Variants in IQGAP3 observed in about 807,000 individuals in gnomAD.
IQGAP3 encodes the protein IQ motif containing GTPase activating protein 3.
IQGAP3 carries 165 observed loss-of-function variants against 208.2 expected under a neutral mutation model. That is an observed-to-expected ratio of 0.79 (90% CI 0.70 to 0.90). The LOEUF is 0.90. IQGAP3 is among the 40% of genes least tolerant of loss of function. IQGAP3 has a pLI of 0.00. For synonymous variants in IQGAP3, 703 were observed against 803.6 expected (o/e 0.87, Z 2.12); for missense variants, 1,811 against 2,043.1 (o/e 0.89, Z 2.19).
chr1:156,567,378 G>A (rs1453859248), intron 2 of IQGAP3, among the ~76,000 whole-genome samples: 1 of 152,142 alleles, frequency 6.6e-6, no homozygotes, highest in Non-Finnish European at 1.5e-5. Context: ...GAGTCCGAAG[G>A]CCCCCTTTCC....
chr1:156,531,662 T>C (rs752795613), intron 32 of IQGAP3, among the ~76,000 whole-genome samples: 43 of 143,696 alleles, frequency 3.0e-4, no homozygotes, highest in Middle Eastern at 3.8e-3. Context: ...TGGAGTGCAA[T>C]GGCATGATCT....
intron 2 of IQGAP3, among the ~76,000 whole-genome samples, chr1:156,569,147 T>C (rs1198185836): frequency 6.6e-6 from 1 of 152,108 alleles, no homozygotes; most frequent in East Asian, 1.9e-4. Flanking sequence ...GCATTGTGGC[T>C]ATATAAGCGA....
At position 156,533,049 on chromosome 1, in the gene IQGAP3, G is replaced by A. The variant is rs374933643; in HGVS notation, c.4034C>T (p.Thr1345Met). 1.9e-5 allele frequency: 30 copies of A among 1,613,946 alleles called. No individual in the cohort carries two copies. Among genetic ancestry groups the A allele is most frequent in the South Asian group, 5.5e-5 (5 of 91,076 alleles). ...TDLSKLEVSL[T>M]LTNKFEGLEA... ...TAGTCCTTCAAACTTGTTGGTCAGCGTCAGGGACACTTCTAGCTTGCTCAG... is the reference window on the plus strand; with the variant it reads ...TAGTCCTTCAAACTTGTTGGTCAGCATCAGGGACACTTCTAGCTTGCTCAG... Residue 1345 changes from threonine (T) to methionine (M), a missense_variant, in exon 32 of 38, where the codon ACG (threonine) becomes ATG (methionine). By Grantham distance (81) the Thr-to-Met change is moderately conservative (BLOSUM62 -1). Coordinates refer to ENST00000361170, the MANE Select transcript of IQGAP3 (RefSeq NM_178229.5).
chr1:156,531,514 A>C (rs1301407306), intron 32 of IQGAP3, among the ~76,000 whole-genome samples: 3 of 144,684 alleles, frequency 2.1e-5, no homozygotes, highest in Non-Finnish European at 3.0e-5. Context: ...GACACCCACC[A>C]CCCTCTTGGT....
chr1:156,566,501 C>T lies in IQGAP3; in HGVS notation c.171G>A (p.Glu57=). 6.2e-7 allele frequency: 1 copy of T among 1,614,174 alleles called. No individual in the cohort carries two copies. Among genetic ancestry groups the T allele is most frequent in the Non-Finnish European group, 8.5e-7 (1 of 1,180,022 alleles). Residue 57 remains glutamate (E), a synonymous_variant, in exon 3 of 38, where the codon GAG becomes GAA. Coordinates refer to ENST00000361170, the MANE Select transcript of IQGAP3 (RefSeq NM_178229.5). Reference sequence around the variant, plus strand: ...CTCCATTCCGAAGGCTCTCCTCCAGCTCCACCGGGGAAGGAAGCTCCTCCT... The same window carrying T: ...CTCCATTCCGAAGGCTCTCCTCCAGTTCCACCGGGGAAGGAAGCTCCTCCT... ...CLKEELPSPV[E]LEESLRNGVL...
chr1:156,551,016 G>T (rs1675521952), intron 15 of IQGAP3, among the ~76,000 whole-genome samples: 1 of 152,306 alleles, frequency 6.6e-6, no homozygotes, highest in South Asian at 2.1e-4. Context: ...CTGACTATGT[G>T]CCAGGCAGTA....
chr1:156,551,996 T>C lies in IQGAP3; in HGVS notation c.1548A>G (p.Ala516=), dbSNP rs1675575131. 1.2e-6 allele frequency: 2 copies of C among 1,614,194 alleles called. No individual in the cohort carries two copies. Among genetic ancestry groups the C allele is most frequent in the South Asian group, 2.2e-5 (2 of 91,074 alleles). ...DLQATVSQVN[A]QTQEETDRVL... ...TACGGTCAGTCTCTTCCTGGGTCTG[T>C]GCATTGACCTGGCTCACGGTGGCCT... is the stretch of plus-strand genomic sequence containing the variant. Residue 516 remains alanine, a synonymous_variant, in exon 14 of 38, where the codon GCA becomes GCG. Transcript: ENST00000361170.
chr1:156,536,269 A>C (rs11811103), intron 27 of IQGAP3, among the ~76,000 whole-genome samples: 3,232 of 152,256 alleles, frequency 0.021, 106 homozygotes, highest in African/African-American at 0.074. Context: ...TAATAATAAT[A>C]AAAAATAAAG....
In IQGAP3 at chr1:156,551,750, AGGG is replaced by A; in HGVS notation, c.1686_1688del (p.Pro563del). The A allele has an allele frequency of 6.2e-7, 1 of 1,613,810 alleles. No individual in the cohort carries two copies. Among genetic ancestry groups the A allele is most frequent in the South Asian group, 1.1e-5 (1 of 90,994 alleles). On this transcript the variant is annotated inframe_deletion, in exon 15 of 38. Transcript: ENST00000361170. Reference sequence around the variant, plus strand: ...CTGCCACAAGGAGGAGATGGTACCGAGGGGCGACAGGGAGGCTGACATCATCTA... The same window carrying A: ...CTGCCACAAGGAGGAGATGGTACCGAGCGACAGGGAGGCTGACATCATCTA...
chr1:156,561,971 G>T lies in IQGAP3; in HGVS notation c.908C>A (p.Ala303Asp), dbSNP rs779654352. 7.4e-6 allele frequency: 12 copies of T among 1,612,970 alleles called. No homozygotes were observed. The highest frequency in any genetic ancestry group is 1.7e-4 in the Middle Eastern group (1 of 6,048). The change falls in exon 10 of 38, where the codon GCC (alanine) becomes GAC (aspartate). Residue 303 changes from alanine (A) to aspartate (D), a missense_variant. Transcript: ENST00000361170. ...GGCTTCAGGGCTCTGTCTTTCCAGG[G>T]CATCATCAACAACTTCTAGAGCCCC... Reference protein sequence around the residue: ...VHGALEVVDDALERQSPEALL... With the variant: ...VHGALEVVDDDLERQSPEALL...
At chr1:156,564,427 A>C (rs896702793) in intron 5 of IQGAP3, among the ~76,000 whole-genome samples, 188 bp downstream of exon 5, 11 of 152,154 alleles carry the variant, frequency 7.2e-5, no homozygotes, top group African/African-American at 2.7e-4. Flanking sequence ...CACACAGGCC[A>C]TACATAAATG....
Position 156,531,247 on chromosome 1 carries a change from G to T in IQGAP3, c.4104C>A (p.Ser1368Arg). The stretch of plus-strand genomic sequence containing the variant: ...TGATATCGGCCAACAGCTGCTTGGT[G>T]CTGCACAAGGAGGACAGTGACAGAG... ...DDSNTRSLLLSTKQLLADIIQ... is the reference protein window; with the variant it reads ...DDSNTRSLLLRTKQLLADIIQ... Residue 1368 changes from serine to arginine, a missense_variant and splice_region_variant, in exon 33 of 38, where the codon AGC becomes AGA. Physicochemically the swap from Ser to Arg is moderately radical, Grantham distance 110. Transcript: ENST00000361170. 1 of 1,612,828 alleles carries T rather than the reference G, an allele frequency of 6.2e-7. No individual in the cohort carries two copies. Among genetic ancestry groups the T allele is most frequent in the African/African-American group, 1.3e-5 (1 of 74,966 alleles).
At chr1:156,565,480 C>T (rs1676360193) in intron 4 of IQGAP3, among the ~76,000 whole-genome samples, 1 of 152,212 alleles carries the variant, frequency 6.6e-6, no homozygotes, top group Non-Finnish European at 1.5e-5. Context: ...ATTGTAGAAT[C>T]CTATCATGCC....
chr1:156,531,283 G>C, intron 32 of IQGAP3, 36 bp from the exon 33 acceptor site: 1 of 1,551,984 alleles, frequency 6.4e-7, no homozygotes, highest in East Asian at 2.2e-5. Context: ...GAGAGGTAAG[G>C]GGCAGGGGAA....
chr1:156,569,528 CTTTTTTTTTTTTTT>C, intron 1 of IQGAP3, 65 bp from the exon 2 acceptor site: 1 of 137,388 alleles, frequency 7.3e-6, no homozygotes, highest in South Asian at 1.0e-4. Context: ...ACTGAAGGGT[CTTTTTTTTTTTTTT>C]TTTTTTTTTT....
rs1298828095 is a variant in IQGAP3 at position 156,544,215 on chromosome 1, G to C, written c.2397C>G (p.Ala799=). Residue 799 remains alanine, a synonymous_variant, in exon 21 of 38, where the codon GCC becomes GCG. Transcript: ENST00000361170. Reference sequence around the variant, plus strand: ...TCCGAGCTGCCCACATCCGGGCCCAGGCCTGGATCTGGGAGAAGAAACACA... The same window carrying C: ...TCCGAGCTGCCCACATCCGGGCCCACGCCTGGATCTGGGAGAAGAAACACA... ...ANLDAIIKIQ[A]WARMWAARRQ... 1 of 1,614,164 alleles carries C rather than the reference G, an allele frequency of 6.2e-7. No homozygotes were observed. Among genetic ancestry groups the C allele is most frequent in the South Asian group, 1.1e-5 (1 of 91,080 alleles).
Position 156,534,083 on chromosome 1 carries a change from C to G in IQGAP3, c.3799G>C (p.Glu1267Gln). 2 of 1,614,062 alleles carry G rather than the reference C, an allele frequency of 1.2e-6. No homozygotes were observed. The highest frequency in any genetic ancestry group is 1.7e-6 in the Non-Finnish European group (2 of 1,180,026). ...PEPEERFAVD[E>Q]YSDMVAVAKP... Reference sequence around the variant, plus strand: ...GCCACAGCCACCATGTCTGAGTACTCGTCCACTGCAAAACGCTCCTCTGGC... The same window carrying G: ...GCCACAGCCACCATGTCTGAGTACTGGTCCACTGCAAAACGCTCCTCTGGC... Residue 1267 changes from glutamate to glutamine, a missense_variant, in exon 30 of 38, where the codon GAG (glutamate) becomes CAG (glutamine). Coordinates refer to ENST00000361170, the MANE Select transcript of IQGAP3 (RefSeq NM_178229.5).
chr1:156,544,115 T>C (rs768939917), intron 21 of IQGAP3, 37 bp downstream of exon 21: 6 of 1,613,184 alleles, frequency 3.7e-6, no homozygotes, highest in Admixed American at 1.7e-5. Flanking sequence ...TGGGCAAAGG[T>C]TGGGTATGTG....
intron 8 of IQGAP3, 116 bp from the exon 9 acceptor site, chr1:156,562,781 T>C (rs113540925): frequency 1.1e-6 from 1 of 910,374 alleles, no homozygotes; most frequent in Non-Finnish European, 1.8e-6. Context: ...AGGCCAAAGT[T>C]CAGTCTGCTC....
Sources: gnomAD v4.1 joint callset for allele counts (sites outside exome capture counted in the v4.1 genomes callset) on GRCh38, gnomAD v4.1.1 for gene constraint, MANE v1.5 for transcripts, NCBI Gene and HGNC (gene_info 2026-07-23, HGNC 2026-07-21) for gene names.